Variants in KNL1 observed in about 807,000 individuals in gnomAD.
KNL1 encodes the protein kinetochore scaffold 1.
Under a neutral mutation model 201.3 loss-of-function variants are expected in KNL1, and 66 were observed. The ratio of observed to expected loss-of-function variants is 0.33; its 90% CI spans 0.27 to 0.40. KNL1 has a LOEUF of 0.40. KNL1 is among the 10% of genes least tolerant of loss of function. The probability of loss-of-function intolerance (pLI) is 1.00; values close to 1 mark genes in which losing one functional copy is unlikely to be tolerated. For synonymous variants in KNL1, 895 were observed against 899.2 expected (o/e 1.00, Z 0.08); for missense variants, 2,815 against 2,690.5 (o/e 1.05, Z -1.02).
chr15:40,648,606 CAT>C (rs994653102), intron 17 of KNL1, among the ~76,000 whole-genome samples: 5 of 152,144 alleles, frequency 3.3e-5, no homozygotes, highest in African/African-American at 4.8e-5. Flanking sequence ...TTCAGCATCT[CAT>C]GTGTTTATTT....
At chr15:40,635,878 T>C (rs1363316141) in intron 13 of KNL1, among the ~76,000 whole-genome samples, 1 of 152,134 alleles carries the variant, frequency 6.6e-6, no homozygotes, top group East Asian at 1.9e-4. Context: ...GTTTTTTGTA[T>C]TTTTTTGAGA....
Position 40,628,620 on chromosome 15 carries a change from G to A in KNL1, c.5525G>A (p.Ser1842Asn). ...GTSLDFSTYR[S>N]SQMESQFLRD... ...TTTGCTTTACTTCTAGCTTACCGCAGTAGTCAAATGGAATCACAGTTTCTC... is the reference window on the plus strand; with the variant it reads ...TTTGCTTTACTTCTAGCTTACCGCAATAGTCAAATGGAATCACAGTTTCTC... Residue 1842 changes from serine to asparagine, a missense_variant, in exon 12 of 26, where the codon AGT (serine) becomes AAT (asparagine). By Grantham distance (46) the Ser-to-Asn change is conservative. Coordinates refer to ENST00000399668, the MANE Select transcript of KNL1 (RefSeq NM_144508.5). The A allele has an allele frequency of 6.2e-7, 1 of 1,601,242 alleles. No homozygotes were observed.
intron 1 of KNL1, among the ~76,000 whole-genome samples, chr15:40,597,914 GTCA>G (rs1347272235): frequency 6.6e-6 from 1 of 152,204 alleles, no homozygotes; most frequent in Non-Finnish European, 1.5e-5. Flanking sequence ...GCTCACGCCT[GTCA>G]TCCCAGCACT....
chr15:40,636,882 C>A (rs1035566837), intron 13 of KNL1, among the ~76,000 whole-genome samples: 1 of 152,056 alleles, frequency 6.6e-6, no homozygotes, highest in Non-Finnish European at 1.5e-5. Context: ...TCCCCTCCCC[C>A]GCATTATTGT....
intron 13 of KNL1, among the ~76,000 whole-genome samples, chr15:40,632,684 C>A (rs1028236066): frequency 6.6e-6 from 1 of 151,994 alleles, no homozygotes; most frequent in African/African-American, 2.4e-5. Context: ...GAAGCTTTAT[C>A]CAAAATATAT....
rs1369470621 is a variant in KNL1, at chr15:40,624,795, A to G, written c.4531A>G (p.Ile1511Val). The part of the protein sequence containing the change: ...AACKKELKEN[I>V]QTTNYNTALD... ...CTGTAAAAAAGAACTGAAGGAAAAT[A>G]TTCAAACAACTAACTATAATACAGC... The change falls in exon 10 of 26, where the codon ATT (isoleucine) becomes GTT (valine). Residue 1511 changes from isoleucine (I) to valine (V), a missense_variant. Ile to Val is a conservative substitution (Grantham distance 29). This residue lies in a region of KNL1 where 2,464 missense variants were observed against 2,291.7 expected (regional missense o/e 1.08). Transcript: ENST00000399668. 6.2e-7 allele frequency: 1 copy of G among 1,613,782 alleles called. No individual in the cohort carries two copies. Among genetic ancestry groups the G allele is most frequent in the Admixed American group, 1.7e-5 (1 of 60,004 alleles).
chr15:40,621,429 C>T lies in KNL1; in HGVS notation c.1165C>T (p.His389Tyr), dbSNP rs1198730896. 1 of 1,613,504 alleles carries T rather than the reference C, an allele frequency of 6.2e-7. No homozygotes were observed. The highest frequency in any genetic ancestry group is 8.5e-7 in the Non-Finnish European group (1 of 1,179,800). ...SADKIHITRSHIMGAETHIVS... is the reference protein window; with the variant it reads ...SADKIHITRSYIMGAETHIVS... The stretch of plus-strand genomic sequence containing the variant: ...AGACAAAATACATATTACCAGAAGT[C>T]ATATTATGGGGGCAGAAACTCACAT... Residue 389 changes from histidine (H) to tyrosine (Y), a missense_variant, in exon 10 of 26, where the codon CAT becomes TAT. Physicochemically the swap from His to Tyr is moderately conservative, Grantham distance 83. Around this residue, in one of 3 missense-constraint regions of KNL1, gnomAD observed 2,464 missense variants for 2,291.7 expected, o/e 1.08. Transcript: ENST00000399668.
rs916182872 is a variant in KNL1, at chr15:40,662,301, C to A, written c.*113C>A. 8 of 674,046 alleles carry A rather than the reference C, an allele frequency of 1.2e-5. No individual in the cohort carries two copies. The Middle Eastern group carries it at 7.5e-4, about 63-fold the overall frequency. The allele number at this position is 674,046 out of a possible 1,614,324, so 41.8% of individuals were successfully genotyped here. A position where few individuals can be genotyped will look rare whatever the true frequency, so the allele number is the denominator to read the frequency against. The stretch of plus-strand genomic sequence containing the variant: ...CATTACAAGCTGAGTAAAATTCCTT[C>A]TGATGATGTTATAGTTAATCTGTAT... On this transcript the variant is annotated 3_prime_UTR_variant, in exon 26 of 26. Coordinates refer to ENST00000399668, the MANE Select transcript of KNL1 (RefSeq NM_144508.5).
chr15:40,653,225 T>G (rs912399810), intron 21 of KNL1, among the ~76,000 whole-genome samples: 2 of 152,142 alleles, frequency 1.3e-5, no homozygotes, highest in East Asian at 1.9e-4. Context: ...GTCTCACTCT[T>G]CCACCCAGGC....
intron 1 of KNL1, among the ~76,000 whole-genome samples, chr15:40,596,875 C>T (rs541355543): frequency 2.6e-5 from 4 of 151,888 alleles, no homozygotes; most frequent in African/African-American, 9.6e-5. Flanking sequence ...TGGCGCATGC[C>T]TGTAATCCCA....
At chr15:40,641,631 C>CG (rs1412896308) in intron 14 of KNL1, among the ~76,000 whole-genome samples, 1 of 152,184 alleles carries the variant, frequency 6.6e-6, no homozygotes, top group African/African-American at 2.4e-5. Context: ...TACCCTCAAA[C>CG]TATGTGTACA....
At chr15:40,639,998 A>T (rs1893175380) in intron 13 of KNL1, among the ~76,000 whole-genome samples, 1 of 152,080 alleles carries the variant, frequency 6.6e-6, no homozygotes, top group Admixed American at 6.6e-5. Context: ...GCTTGAGCCT[A>T]GGAGTTGGAG....
chr15:40,652,544 C>T (rs527937316), intron 21 of KNL1, among the ~76,000 whole-genome samples: 3 of 147,348 alleles, frequency 2.0e-5, no homozygotes, highest in East Asian at 4.0e-4. Context: ...CTGAGGTGGG[C>T]GGATCATCTG....
At chr15:40,653,294 T>C (rs1449054805) in intron 21 of KNL1, among the ~76,000 whole-genome samples, 1 of 152,202 alleles carries the variant, frequency 6.6e-6, no homozygotes, top group African/African-American at 2.4e-5. Context: ...GTTCAAGTGA[T>C]TCTCCTGCCT....
rs763866856 is a variant in KNL1 at position 40,624,007 on chromosome 15, A to G, written c.3743A>G (p.His1248Arg). ...NRTTNEIIKF[H>R]SAAMDEKVIG... ...ACTACTAATGAAATCATCAAATTTC[A>G]TAGTGCTGCTATGGATGAAAAGGTC... The change falls in exon 10 of 26, where the codon CAT becomes CGT. Residue 1248 changes from histidine (H) to arginine (R), a missense_variant. Physicochemically the swap from His to Arg is conservative, Grantham distance 29. Transcript: ENST00000399668. 3 of 1,613,984 alleles carry G rather than the reference A, an allele frequency of 1.9e-6. No individual in the cohort carries two copies. Among genetic ancestry groups the G allele is most frequent in the African/African-American group, 1.3e-5 (1 of 75,044 alleles).
rs760879657 is a variant in KNL1 at position 40,622,129 on chromosome 15, C to G, written c.1865C>G (p.Pro622Arg). Residue 622 changes from proline to arginine, a missense_variant, in exon 10 of 26, where the codon CCA becomes CGA. Physicochemically the swap from Pro to Arg is moderately radical, Grantham distance 103. This residue lies in a region of KNL1 where 2,464 missense variants were observed against 2,291.7 expected (regional missense o/e 1.08). Transcript: ENST00000399668. ...CEEITKSRNE[P>R]FQRSDIIAKN... ...GAAATTACCAAAAGTCGTAATGAAC[C>G]ATTTCAGCGATCAGACATAATAGCC... 40 of 1,613,952 alleles carry G rather than the reference C, an allele frequency of 2.5e-5. No homozygotes were observed. In the South Asian group the frequency reaches 4.2e-4, roughly 17 times the overall value.
intron 2 of KNL1, among the ~76,000 whole-genome samples, 178 bp from the exon 3 acceptor site, chr15:40,604,931 GT>G (rs2141699874): frequency 6.6e-6 from 1 of 152,278 alleles, no homozygotes; most frequent in African/African-American, 2.4e-5. Flanking sequence ...TACACAATAT[GT>G]ATTTTAAAAC....
intron 21 of KNL1, 51 bp downstream of exon 21, chr15:40,652,156 C>G (rs1567021560): frequency 8.5e-7 from 1 of 1,179,084 alleles, no homozygotes; most frequent in Non-Finnish European, 1.3e-6. Context: ...AATGGCTACA[C>G]TCACTAAAGA....
Position 40,599,487 on chromosome 15 carries a change from G to A in KNL1, c.-17-3428G>A, listed in dbSNP as rs183976031. ...CAGCCTCTGCCTCCCAGGGTCAAGC[G>A]ATCCTCCCACCTCAGCCTCCAGAGT... On this transcript the variant is annotated intron_variant, in intron 1 of 25. Transcript: ENST00000399668. 4.1e-3 allele frequency among the ~76,000 whole-genome samples: 605 copies of A among 149,278 alleles called. 7 individuals are homozygous for A. The highest frequency in any genetic ancestry group is 0.014 in the African/African-American group (586 of 40,722).
Sources: gnomAD v4.1 joint callset for allele counts (sites outside exome capture counted in the v4.1 genomes callset) on GRCh38, gnomAD v4.1.1 for gene constraint, gnomAD v4.1.1 regional missense constraint, MANE v1.5 for transcripts, NCBI Gene and HGNC (gene_info 2026-07-23, HGNC 2026-07-21) for gene names.